Variants in BAZ2B observed in about 807,000 individuals in gnomAD.
BAZ2B encodes the protein bromodomain adjacent to zinc finger domain protein 2B.
BAZ2B carries 91 observed loss-of-function variants against 246.0 expected under a neutral mutation model. The observed-to-expected ratio is 0.37, with a 90% CI of 0.31 to 0.44. The LOEUF is 0.44. Among genes scored for constraint, BAZ2B ranks in the 20% least tolerant of loss-of-function variants. The pLI is 1.00. For synonymous variants in BAZ2B, 855 were observed against 860.0 expected (o/e 0.99, Z 0.10); for missense variants, 2,332 against 2,533.7 (o/e 0.92, Z 1.71).
chr2:159,701,014 TA>T, the BAZ2B span, among the ~76,000 whole-genome samples: 1 of 152,230 alleles, frequency 6.6e-6, no homozygotes, highest in African/African-American at 2.4e-5. Context: ...TGCTTAACAT[TA>T]GAGCAAATTT....
intron 3 of BAZ2B, among the ~76,000 whole-genome samples, chr2:159,472,078 TC>T (rs1320063354): frequency 6.6e-6 from 1 of 152,160 alleles, no homozygotes; most frequent in African/African-American, 2.4e-5. Context: ...TGTTTCAACT[TC>T]TTTTTAGTGA....
At chr2:159,395,684 T>C in intron 20 of BAZ2B, 85 bp downstream of exon 20, 1 of 1,270,292 alleles carries the variant, frequency 7.9e-7, no homozygotes, top group Non-Finnish European at 1.1e-6. Context: ...ACCTATATTC[T>C]GAAAAATTTA....
intron 5 of BAZ2B, 97 bp downstream of exon 5, chr2:159,448,145 A>G (rs964959373): frequency 7.1e-7 from 1 of 1,401,800 alleles, no homozygotes; most frequent in South Asian, 1.3e-5. Flanking sequence ...ACAAACAAAC[A>G]AAAACAAAAA....
Position 159,400,610 on chromosome 2 carries a change from G to T in BAZ2B, c.2887C>A (p.Gln963Lys). The change falls in exon 17 of 37, where the codon CAA becomes AAA. Residue 963 changes from glutamine to lysine, a missense_variant. Transcript: ENST00000392783. ...IRMEKELRAQ[Q>K]ILEAKKKKKE... ...TTTAAGACTTCTACCTCTAGAATTT[G>T]CTGAGCTCGAAGTTCTTTTTCCATT... 1 of 1,566,734 alleles carries T rather than the reference G, an allele frequency of 6.4e-7. No individual in the cohort carries two copies. The highest frequency in any genetic ancestry group is 8.7e-7 in the Non-Finnish European group (1 of 1,144,852).
chr2:159,462,994 A>C, intron 3 of BAZ2B: 2 of 811,596 alleles, frequency 2.5e-6, no homozygotes, highest in Non-Finnish European at 4.4e-6. Context: ...CTTGGATCTA[A>C]AACTCTGCTA....
intron 1 of BAZ2B, among the ~76,000 whole-genome samples, chr2:159,582,284 C>A (rs1549384): frequency 1 from 152,378 of 152,378 alleles, 76,189 homozygotes; most frequent in Non-Finnish European, 1. Context: ...TGGAAACTGC[C>A]ATCAGCAGGG....
chr2:159,679,305 G>A, the BAZ2B span, among the ~76,000 whole-genome samples: 2 of 146,694 alleles, frequency 1.4e-5, no homozygotes, highest in South Asian at 4.4e-4. Context: ...GATGTTGAAT[G>A]TGGGTTCATT....
intron 20 of BAZ2B, among the ~76,000 whole-genome samples, chr2:159,393,610 T>G (rs1243632558): frequency 7.8e-6 from 1 of 127,628 alleles, no homozygotes; most frequent in Non-Finnish European, 1.8e-5. Context: ...ATGAGTATTC[T>G]GTATTCTACT....
chr2:159,531,684 G>A (rs1259628866), intron 2 of BAZ2B, among the ~76,000 whole-genome samples: 1 of 152,048 alleles, frequency 6.6e-6, no homozygotes, highest in Non-Finnish European at 1.5e-5. Context: ...CTGCCACCGA[G>A]CCATTTACAG....
chr2:159,514,170 T>C (rs2083206949), intron 2 of BAZ2B, among the ~76,000 whole-genome samples: 1 of 152,190 alleles, frequency 6.6e-6, no homozygotes, highest in Non-Finnish European at 1.5e-5. Flanking sequence ...GTTTATTTAT[T>C]ATTATTAATC....
chr2:159,494,913 T>C (rs1425339425), intron 2 of BAZ2B, among the ~76,000 whole-genome samples: 1 of 152,092 alleles, frequency 6.6e-6, no homozygotes, highest in African/African-American at 2.4e-5. Context: ...GTTGGAGCAA[T>C]AGTGGACCTA....
In BAZ2B at chr2:159,349,413, T is replaced by C. The variant is rs943642456; in HGVS notation, c.4864-133A>G. The C allele has an allele frequency of 1.3e-5, 13 of 994,956 alleles. No homozygotes were observed. In the Middle Eastern group the frequency reaches 8.9e-4, roughly 68 times the overall value. 61.6% of individuals were successfully genotyped at this position (994,956 alleles called of 1,614,324 possible). Reference sequence around the variant, plus strand: ...TTATTACAATTACAGGAAAACAAAATACATTAGCAACAAAAATGTTAAATT... The same window carrying C: ...TTATTACAATTACAGGAAAACAAAACACATTAGCAACAAAAATGTTAAATT... On this transcript the variant is annotated intron_variant, in intron 28 of 36. Transcript: ENST00000392783.
intron 31 of BAZ2B, among the ~76,000 whole-genome samples, chr2:159,346,006 G>A (rs1362797344): frequency 2.0e-5 from 3 of 152,100 alleles, no homozygotes; most frequent in South Asian, 2.1e-4. Flanking sequence ...AAAAATTCTA[G>A]CACTAAATGG....
chr2:159,694,830 T>C, the BAZ2B span: 1 of 152,198 alleles, frequency 6.6e-6, no homozygotes, highest in Admixed American at 6.5e-5. Flanking sequence ...TCCTCCTGAG[T>C]ATATACTTAG....
intron 34 of BAZ2B, 31 bp from the exon 35 acceptor site, chr2:159,325,949 TAAGA>T (rs2063657444): frequency 6.5e-7 from 1 of 1,530,854 alleles, no homozygotes; most frequent in Middle Eastern, 1.7e-4. Flanking sequence ...AAATGAGGTG[TAAGA>T]AAGTGACTGT....
intron 6 of BAZ2B, among the ~76,000 whole-genome samples, chr2:159,441,655 CA>C (rs991073954): frequency 3.1e-5 from 4 of 128,964 alleles, no homozygotes; most frequent in African/African-American, 7.6e-5. Flanking sequence ...AAATTTAAAA[CA>C]TTTTTTTAAA....
At chr2:159,439,793 T>C (rs1429262039) in intron 6 of BAZ2B, among the ~76,000 whole-genome samples, 2 of 152,056 alleles carry the variant, frequency 1.3e-5, no homozygotes, top group Admixed American at 6.6e-5. Context: ...AAAAGACCTA[T>C]GGGGCTGCTT....
At chr2:159,541,586 C>G (rs537997123) in intron 2 of BAZ2B, among the ~76,000 whole-genome samples, 3 of 152,106 alleles carry the variant, frequency 2.0e-5, no homozygotes, top group Admixed American at 6.6e-5. Flanking sequence ...GCCAAAAGTC[C>G]TTGTTATTAA....
chr2:159,709,366 G>A, the BAZ2B span, among the ~76,000 whole-genome samples: 7 of 152,256 alleles, frequency 4.6e-5, no homozygotes, highest in South Asian at 1.0e-3. Flanking sequence ...TTGGATAAAA[G>A]GAGTAAGTTC....
Sources: gnomAD v4.1 joint callset for allele counts (sites outside exome capture counted in the v4.1 genomes callset) on GRCh38, gnomAD v4.1.1 for gene constraint, MANE v1.5 for transcripts, NCBI Gene and HGNC (gene_info 2026-07-23, HGNC 2026-07-21) for gene names.